The following FIGN variants were observed in gnomAD, a reference collection of about 807,000 sequenced individuals.
The protein encoded by FIGN is fidgetin, microtubule severing factor, also known as fidgetin.
In FIGN, 11 loss-of-function variants were observed where a neutral mutation model predicts 51.3. The ratio of observed to expected loss-of-function variants is 0.21; its 90% confidence interval spans 0.13 to 0.35. The LOEUF (loss-of-function observed/expected upper bound fraction) is 0.35, where lower values mean the gene tolerates loss of function less well. Among genes scored for constraint, FIGN ranks in the 10% least tolerant of loss-of-function variants. The probability of loss-of-function intolerance (pLI) is 1.00; values close to 1 mark genes in which losing one functional copy is unlikely to be tolerated. For synonymous variants in FIGN, 407 were observed against 363.2 expected, an observed-to-expected ratio of 1.12 and a Z score of -1.37; for missense variants, 857 against 943.6, an observed-to-expected ratio of 0.91 and a Z score of 1.20.
intron 2 of FIGN, among the ~76,000 whole-genome samples, chr2:163,646,450 C>T (rs1212613632): frequency 6.6e-6 from 1 of 152,112 alleles, no homozygotes; most frequent in Non-Finnish European, 1.5e-5. Flanking sequence ...CTCATGCCAA[C>T]ATTTTACTTT....
chr2:163,707,334 G>A (rs1005791911), intron 2 of FIGN, among the ~76,000 whole-genome samples: 36 of 138,902 alleles, frequency 2.6e-4, no homozygotes, highest in African/African-American at 1.4e-4. Flanking sequence ...CCACCCTAGC[G>A]ACAGAATGAG....
At chr2:163,643,376 GGTGGTAGCTGATGCTT>G (rs1683332750) in intron 2 of FIGN, among the ~76,000 whole-genome samples, 1 of 152,124 alleles carries the variant, frequency 6.6e-6, no homozygotes, top group Admixed American at 6.6e-5. Flanking sequence ...AATGTACAGG[GGTGGTAGCTGATGCTT>G]GTAATCCCAG....
chr2:163,690,406 C>T (rs1194986809), intron 2 of FIGN, among the ~76,000 whole-genome samples: 2 of 152,038 alleles, frequency 1.3e-5, no homozygotes, highest in African/African-American at 4.8e-5. Flanking sequence ...CAATCTCCAG[C>T]AGCAGAAACA....
intron 2 of FIGN, among the ~76,000 whole-genome samples, chr2:163,647,632 G>C (rs1291392885): frequency 6.6e-6 from 1 of 152,130 alleles, no homozygotes; most frequent in Non-Finnish European, 1.5e-5. Context: ...TCCCAGTTCT[G>C]TGTTTTTCTT....
chr2:163,617,963 G>A (rs1305533335), intron 2 of FIGN, among the ~76,000 whole-genome samples: 1 of 152,018 alleles, frequency 6.6e-6, no homozygotes, highest in Non-Finnish European at 1.5e-5. Flanking sequence ...TGGCTAGACA[G>A]AAAAAAAGTA....
At chr2:163,613,240 T>C (rs771257624) in intron 2 of FIGN, among the ~76,000 whole-genome samples, 5 of 152,014 alleles carry the variant, frequency 3.3e-5, no homozygotes, top group African/African-American at 9.7e-5. Context: ...CTTCCTATTC[T>C]GGTACAGCTA....
intron 2 of FIGN, among the ~76,000 whole-genome samples, chr2:163,711,612 G>A (rs573253986): frequency 6.9e-6 from 1 of 145,292 alleles, no homozygotes; most frequent in East Asian, 2.0e-4. Context: ...TCTTCAAAAG[G>A]AGAATCACTT....
At chr2:163,675,768 A>C (rs903007098) in intron 2 of FIGN, among the ~76,000 whole-genome samples, 2 of 141,834 alleles carry the variant, frequency 1.4e-5, no homozygotes, top group African/African-American at 5.2e-5. Context: ...ATTGTATGGA[A>C]ACACTGCACT....
chr2:163,701,753 G>A (rs1010573466), intron 2 of FIGN, among the ~76,000 whole-genome samples: 7 of 152,108 alleles, frequency 4.6e-5, no homozygotes, highest in African/African-American at 1.7e-4. Context: ...TGTTACAAAT[G>A]TCCCCATTTT....
chr2:163,630,324 C>T (rs1324036113), intron 2 of FIGN, among the ~76,000 whole-genome samples: 3 of 151,878 alleles, frequency 2.0e-5, no homozygotes, highest in Non-Finnish European at 4.4e-5. Context: ...AGGTAGAATC[C>T]ATTTGTTTTC....
intron 2 of FIGN, among the ~76,000 whole-genome samples, chr2:163,688,962 G>A (rs1163421972): frequency 6.6e-6 from 1 of 152,028 alleles, no homozygotes; most frequent in Non-Finnish European, 1.5e-5. Flanking sequence ...TTGAGCCCAG[G>A]AGTTCAAGAC....
At position 163,611,753 on chromosome 2, in the gene FIGN, C is replaced by T. The variant is rs772541947; in HGVS notation, c.79G>A (p.Asp27Asn). 1.2e-6 allele frequency: 2 copies of T among 1,613,886 alleles called. No homozygotes were observed. The highest frequency in any genetic ancestry group is 1.7e-6 in the Non-Finnish European group (2 of 1,179,924). Residue 27 changes from aspartate to asparagine, a missense_variant, in exon 3 of 3, where the codon GAC becomes AAC. Coordinates refer to ENST00000333129, the MANE Select transcript of FIGN (RefSeq NM_018086.4). ...GGAGACCGAGTGGTTGAGGTGATGT[C>T]AAAGTGCTGTTCTGGCCACTGGGCA... ...EHAQWPEQHF[D>N]ITSTTRSPAH...
intron 2 of FIGN, among the ~76,000 whole-genome samples, chr2:163,689,074 C>T (rs1360791956): frequency 6.6e-6 from 1 of 151,748 alleles, no homozygotes; most frequent in Non-Finnish European, 1.5e-5. Context: ...GTGGGTGCAA[C>T]ACTTAAGCCT....
intron 2 of FIGN, among the ~76,000 whole-genome samples, chr2:163,695,782 C>G (rs1426449385): frequency 6.6e-6 from 1 of 152,100 alleles, no homozygotes; most frequent in Non-Finnish European, 1.5e-5. Context: ...ATTTTCCCAC[C>G]CAGCAAAATG....
chr2:163,675,621 G>A (rs953273042), intron 2 of FIGN, among the ~76,000 whole-genome samples: 16 of 151,674 alleles, frequency 1.1e-4, no homozygotes, highest in Non-Finnish European at 1.8e-4. Flanking sequence ...CTGCATGTGC[G>A]CATGCCCAGC....
At chr2:163,649,746 G>A (rs1683441749) in intron 2 of FIGN, among the ~76,000 whole-genome samples, 1 of 152,198 alleles carries the variant, frequency 6.6e-6, no homozygotes, top group Non-Finnish European at 1.5e-5. Flanking sequence ...AGCAGCAATA[G>A]ATAACCAGAA....
intron 2 of FIGN, among the ~76,000 whole-genome samples, chr2:163,724,683 C>T (rs904498939): frequency 6.6e-6 from 1 of 151,976 alleles, no homozygotes; most frequent in African/African-American, 2.4e-5. Flanking sequence ...CCAAAAGAAG[C>T]CTTAAAGGAC....
chr2:163,692,477 T>A (rs1353455729), intron 2 of FIGN, among the ~76,000 whole-genome samples: 1 of 152,200 alleles, frequency 6.6e-6, no homozygotes, highest in African/African-American at 2.4e-5. Flanking sequence ...AAGATGCTAA[T>A]AATGTTTCTT....
intron 2 of FIGN, among the ~76,000 whole-genome samples, chr2:163,718,788 C>A (rs952157174): frequency 6.6e-6 from 1 of 151,168 alleles, no homozygotes; most frequent in Non-Finnish European, 1.5e-5. Context: ...GTTTCGAGTG[C>A]CTAAGTATAT....
Sources: gnomAD v4.1 joint callset for allele counts (sites outside exome capture counted in the v4.1 genomes callset) on GRCh38, gnomAD v4.1.1 for gene constraint, MANE v1.5 for transcripts, NCBI Gene and HGNC (gene_info 2026-07-23, HGNC 2026-07-21) for gene names.